Variants in C10orf71 observed in about 807,000 individuals in gnomAD.
C10orf71 encodes chromosome 10 open reading frame 71, also known as cardiac-enriched FHL2-interacting protein.
For synonymous variants in C10orf71, 758 were observed against 726.3 expected (o/e 1.04, Z -0.70); for missense variants, 1,869 against 1,804.5 (o/e 1.04, Z -0.65).
intron 1 of C10orf71, among the ~76,000 whole-genome samples, chr10:49,300,714 G>T (rs562173853): frequency 3.3e-5 from 5 of 152,280 alleles, no homozygotes; most frequent in South Asian, 2.1e-4. Context: ...TGCTTATCGG[G>T]GTGATTTATA....
chr10:49,325,047 C>T lies in C10orf71; in HGVS notation c.2502C>T (p.Thr834=), dbSNP rs1027286987. 6.4e-7 allele frequency: 1 copy of T among 1,551,650 alleles called. No homozygotes were observed. The highest frequency in any genetic ancestry group is 1.4e-5 in the African/African-American group (1 of 73,042). ...GGATTGGGGAAAATAAGGGCACAACCTTTTCACAGGCCAAAGACCTTACTC... is the reference window on the plus strand; with the variant it reads ...GGATTGGGGAAAATAAGGGCACAACTTTTTCACAGGCCAAAGACCTTACTC... ...GSWIGENKGT[T]FSQAKDLTPS... is the part of the protein sequence containing the mutation. Residue 834 remains threonine, a synonymous_variant, in exon 3 of 3, where the codon ACC becomes ACT. Transcript: ENST00000374144.
At position 49,322,456 on chromosome 10, in the gene C10orf71, T is replaced by C; in HGVS notation, c.-90T>C. 1 of 1,423,200 alleles carries C rather than the reference T, an allele frequency of 7.0e-7. No individual in the cohort carries two copies. Among genetic ancestry groups the C allele is most frequent in the Non-Finnish European group, 9.3e-7 (1 of 1,078,416 alleles). The allele number at this position is 1,423,200 out of a possible 1,614,324, so 88.2% of individuals were successfully genotyped here. A position where few individuals can be genotyped will look rare whatever the true frequency, so the allele number is the denominator to read the frequency against. On this transcript the variant is annotated 5_prime_UTR_variant, in exon 3 of 3. Coordinates refer to ENST00000374144, the MANE Select transcript of C10orf71 (RefSeq NM_001135196.2). ...GCATCTGGTCAATGAGAGGCTCTAG[T>C]TTTGGGGAAGAGGGAAACACCTAAC...
chr10:49,316,048 C>A (rs1848994827), intron 1 of C10orf71, 97 bp from the exon 2 acceptor site: 1 of 152,130 alleles, frequency 6.6e-6, no homozygotes, highest in Non-Finnish European at 1.5e-5. Flanking sequence ...AGAGCAAGAC[C>A]CTGTCTCAAA....
chr10:49,326,756 C>T lies in C10orf71; in HGVS notation c.4211C>T (p.Pro1404Leu), dbSNP rs1246580091. The T allele has an allele frequency of 6.4e-7, 1 of 1,551,330 alleles. No individual in the cohort carries two copies. Among genetic ancestry groups the T allele is most frequent in the Admixed American group, 2.0e-5 (1 of 51,014 alleles). Residue 1404 changes from proline to leucine, a missense_variant, in exon 3 of 3, where the codon CCT (proline) becomes CTT (leucine). Transcript: ENST00000374144. ...PHSAGQRPHG[P>L]PQSPGEEGVE... ...TCTGCAGGCCAGCGCCCTCATGGTCCTCCCCAGAGCCCAGGAGAGGAGGGT... is the reference window on the plus strand; with the variant it reads ...TCTGCAGGCCAGCGCCCTCATGGTCTTCCCCAGAGCCCAGGAGAGGAGGGT...
rs72792843 is a variant in C10orf71 at position 49,316,764 on chromosome 10, G to A, written c.-145+517G>A. Among the ~76,000 whole-genome samples the A allele has an allele frequency of 2.8e-3, 421 of 152,284 alleles. 2 individuals are homozygous for A. The highest frequency in any genetic ancestry group is 8.5e-3 in the South Asian group (41 of 4,818). ...CTTCCGTCCTTGTGTAGCTCCAGGA[G>A]AATTGCTACAGTCCATGGGCCTGTC... is the stretch of plus-strand genomic sequence containing the variant. On this transcript the variant is annotated intron_variant, in intron 2 of 2. Coordinates refer to ENST00000374144, the MANE Select transcript of C10orf71 (RefSeq NM_001135196.2).
At position 49,323,520 on chromosome 10, in the gene C10orf71, C is replaced by T. The variant is rs190542830; in HGVS notation, c.975C>T (p.Cys325=). The change falls in exon 3 of 3, where the codon TGC becomes TGT. Residue 325 remains cysteine, a synonymous_variant. Transcript: ENST00000374144. ...CTCCTGAGCGCACAGTCTCTCCCTG[C>T]CAGGTCCAGGCCAGCTGCAGTCAGG... The part of the protein sequence containing the change: ...PCPPERTVSP[C]QVQASCSQEE... 132 of 1,611,476 alleles carry T rather than the reference C, an allele frequency of 8.2e-5. 1 individual carries two copies. In the African/African-American group the frequency reaches 1.5e-3, roughly 18 times the overall value.
intron 2 of C10orf71, among the ~76,000 whole-genome samples, chr10:49,316,750 G>T (rs768619397): frequency 6.6e-5 from 10 of 152,198 alleles, no homozygotes; most frequent in Non-Finnish European, 1.5e-4. Context: ...TTCCGTCCTT[G>T]TGTAGCTCCA....
rs189513968 is a variant in C10orf71 at position 49,327,098 on chromosome 10, C to A, written c.*245C>A. 184 of 1,384,652 alleles carry A rather than the reference C, an allele frequency of 1.3e-4. No individual in the cohort carries two copies. Among genetic ancestry groups the A allele is most frequent in the Non-Finnish European group, 1.6e-4 (165 of 1,036,762 alleles). 85.8% of individuals were successfully genotyped at this position (1,384,652 alleles called of 1,614,324 possible). On this transcript the variant is annotated 3_prime_UTR_variant, in exon 3 of 3. Coordinates refer to ENST00000374144, the MANE Select transcript of C10orf71 (RefSeq NM_001135196.2). ...ACTGCTTGCTTGGCCCGGTCCCCTCCGTGCCAGTTCCCAGGCGCACTCTAC... is the reference window on the plus strand; with the variant it reads ...ACTGCTTGCTTGGCCCGGTCCCCTCAGTGCCAGTTCCCAGGCGCACTCTAC...
chr10:49,297,895 C>A, upstream of C10orf71, among the ~76,000 whole-genome samples: 1 of 152,180 alleles, frequency 6.6e-6, no homozygotes, highest in East Asian at 1.9e-4. Flanking sequence ...TCTCTGAGTG[C>A]GGAGCAGCAA....
chr10:49,323,680 C>T lies in C10orf71; in HGVS notation c.1135C>T (p.Pro379Ser). The change falls in exon 3 of 3, where the codon CCC becomes TCC. Residue 379 changes from proline (P) to serine (S), a missense_variant. Transcript: ENST00000374144. Reference protein sequence around the residue: ...QPDSQEKPAQPPWRKPKTGKK... With the variant: ...QPDSQEKPAQSPWRKPKTGKK... Reference sequence around the variant, plus strand: ...TGATTCTCAAGAGAAGCCAGCCCAGCCCCCATGGAGGAAGCCAAAGACTGG... The same window carrying T: ...TGATTCTCAAGAGAAGCCAGCCCAGTCCCCATGGAGGAAGCCAAAGACTGG... The T allele has an allele frequency of 1.2e-6, 2 of 1,613,490 alleles. No homozygotes were observed. Among genetic ancestry groups the T allele is most frequent in the South Asian group, 1.1e-5 (1 of 91,020 alleles).
At chr10:49,307,541 G>A (rs969727422) in intron 1 of C10orf71, among the ~76,000 whole-genome samples, 1 of 152,250 alleles carries the variant, frequency 6.6e-6, no homozygotes, top group African/African-American at 2.4e-5. Flanking sequence ...CCTTTGTGGA[G>A]TGAGACTCTA....
chr10:49,298,563 T>G (rs374806055), upstream of C10orf71: 9 of 152,272 alleles, frequency 5.9e-5, no homozygotes, highest in African/African-American at 2.2e-4. Flanking sequence ...CACCTCAGGG[T>G]TGAAGGGAGG....
At chr10:49,304,612 T>C (rs1848782386) in intron 1 of C10orf71, among the ~76,000 whole-genome samples, 1 of 152,206 alleles carries the variant, frequency 6.6e-6, no homozygotes, top group South Asian at 2.1e-4. Flanking sequence ...TGATGGACTC[T>C]GTAGAAACCC....
At chr10:49,320,407 G>T (rs1270755792) in intron 2 of C10orf71, among the ~76,000 whole-genome samples, 1 of 152,344 alleles carries the variant, frequency 6.6e-6, no homozygotes, top group Middle Eastern at 3.4e-3. Flanking sequence ...AAGGGGCCCA[G>T]GTGATGCAGA....
chr10:49,322,640 T>G lies in C10orf71; in HGVS notation c.95T>G (p.Leu32Arg). 8 of 1,613,524 alleles carry G rather than the reference T, an allele frequency of 5.0e-6. No homozygotes were observed. The highest frequency in any genetic ancestry group is 6.8e-6 in the Non-Finnish European group (8 of 1,179,660). The change falls in exon 3 of 3, where the codon CTA (leucine) becomes CGA (arginine). Residue 32 changes from leucine to arginine, a missense_variant. Physicochemically the swap from Leu to Arg is moderately radical, Grantham distance 102 (BLOSUM62 -2). Coordinates refer to ENST00000374144, the MANE Select transcript of C10orf71 (RefSeq NM_001135196.2). Reference sequence around the variant, plus strand: ...GATGCAGACAGGGAGGTGAGCAGCCTAACAGACCGGGCATTCCGGAGTTTG... The same window carrying G: ...GATGCAGACAGGGAGGTGAGCAGCCGAACAGACCGGGCATTCCGGAGTTTG... ...LDDADREVSS[L>R]TDRAFRSLCI...
At position 49,326,825 on chromosome 10, in the gene C10orf71, A is replaced by G. The variant is rs1208722956; in HGVS notation, c.4280A>G (p.Glu1427Gly). The change falls in exon 3 of 3, where the codon GAG (glutamate) becomes GGG (glycine). Residue 1427 changes from glutamate to glycine, a missense_variant. Transcript: ENST00000374144. ...GLGIISTDDL[E>G]DFATEGIS ...GGCATCATCTCCACTGATGACCTAG[A>G]GGACTTTGCCACAGAAGGCATTTCT... is the stretch of plus-strand genomic sequence containing the variant. The G allele has an allele frequency of 6.5e-7, 1 of 1,545,266 alleles. No individual in the cohort carries two copies. The highest frequency in any genetic ancestry group is 2.0e-5 in the Admixed American group (1 of 50,910).
chr10:49,321,825 T>C (rs1393464283), intron 2 of C10orf71, among the ~76,000 whole-genome samples: 1 of 152,234 alleles, frequency 6.6e-6, no homozygotes, highest in Non-Finnish European at 1.5e-5. Flanking sequence ...CCTTTTTATA[T>C]ACCTGTTTGC....
chr10:49,326,145 G>C lies in C10orf71; in HGVS notation c.3600G>C (p.Lys1200Asn). 2 of 1,551,716 alleles carry C rather than the reference G, an allele frequency of 1.3e-6. No homozygotes were observed. Among genetic ancestry groups the C allele is most frequent in the Non-Finnish European group, 1.7e-6 (2 of 1,147,000 alleles). Residue 1200 changes from lysine to asparagine, a missense_variant, in exon 3 of 3, where the codon AAG (lysine) becomes AAC (asparagine). Transcript: ENST00000374144. ...GGAAGACGGATCAGGCTCAGGAGAA[G>C]CATGGCGAGTCACAGGAGGGAAAGC... ...KRRKTDQAQE[K>N]HGESQEGKPC...
rs773078614 is a variant in C10orf71, at chr10:49,326,366, A to G, written c.3821A>G (p.Gln1274Arg). 1.9e-5 allele frequency: 30 copies of G among 1,550,314 alleles called. No homozygotes were observed. Among genetic ancestry groups the G allele is most frequent in the Middle Eastern group, 1.7e-4 (1 of 6,012 alleles). ...CCCCTGCCCGCGTACCCCGCCACCC[A>G]GAAGGTCCTCCAGGATCCGCAGTCC... ...LTPLPAYPAT[Q>R]KVLQDPQSGE... The change falls in exon 3 of 3, where the codon CAG becomes CGG. Residue 1274 changes from glutamine to arginine, a missense_variant. Transcript: ENST00000374144.
Sources: allele counts gnomAD v4.1 joint callset (sites outside exome capture counted in the v4.1 genomes callset), GRCh38; gene constraint gnomAD v4.1.1; transcripts MANE v1.5; gene names NCBI Gene and HGNC (gene_info 2026-07-23, HGNC 2026-07-21).